The following FMNL2 variants were observed in gnomAD, a reference collection of about 807,000 sequenced individuals.
FMNL2 encodes the protein formin like 2.
A neutral mutation model predicts 130.2 loss-of-function variants in FMNL2; 51 were observed. The ratio of observed to expected loss-of-function variants is 0.39; its 90% confidence interval spans 0.31 to 0.49. FMNL2 has a LOEUF of 0.49. FMNL2 is among the 20% of genes least tolerant of loss of function. The pLI is 0.85. For synonymous variants in FMNL2, 465 were observed against 467.1 expected (o/e 1.00, Z 0.06); for missense variants, 977 against 1,316.2 (o/e 0.74, Z 3.99).
chr2:152,557,087 C>G (rs1695256618), intron 4 of FMNL2, among the ~76,000 whole-genome samples: 1 of 152,132 alleles, frequency 6.6e-6, no homozygotes, highest in South Asian at 2.1e-4. Flanking sequence ...AGAAAAAATT[C>G]TTTTTACTAT....
chr2:152,478,913 CTTGA>C lies in FMNL2; in HGVS notation c.118-43027_118-43024del, dbSNP rs540781914. Among the ~76,000 whole-genome samples the C allele has an allele frequency of 2.5e-3, 374 of 152,222 alleles. 5 individuals are homozygous for C. The highest frequency in any genetic ancestry group is 1.1e-3 in the Non-Finnish European group (75 of 68,022). On this transcript the variant is annotated intron_variant, in intron 1 of 25. Transcript: ENST00000288670. ...AAGTATATTAAAACTACAGTATATG[CTTGA>C]TTATAAGGCAACTCTCAAATGAGGT...
chr2:152,548,935 C>A, intron 3 of FMNL2, 86 bp from the exon 4 acceptor site: 1 of 1,020,268 alleles, frequency 9.8e-7, no homozygotes, highest in Non-Finnish European at 1.4e-6. Flanking sequence ...AGATATTTTT[C>A]ATATTGTGTT....
chr2:152,392,995 G>A (rs1282302532), intron 1 of FMNL2, among the ~76,000 whole-genome samples: 2 of 151,914 alleles, frequency 1.3e-5, no homozygotes, highest in Non-Finnish European at 2.9e-5. Flanking sequence ...TGCCTGGTGG[G>A]TCCTCTTTCA....
chr2:152,464,177 C>T (rs971862713), intron 1 of FMNL2, among the ~76,000 whole-genome samples: 1 of 152,170 alleles, frequency 6.6e-6, no homozygotes, highest in Admixed American at 6.5e-5. Context: ...CTCCTGACCT[C>T]AGGTGATCCG....
At chr2:152,641,040 C>T in intron 25 of FMNL2, 126 bp downstream of exon 25, 1 of 1,244,972 alleles carries the variant, frequency 8.0e-7, no homozygotes. Flanking sequence ...TTTATTCACA[C>T]CCAGAGTGAT....
chr2:152,406,016 C>T (rs956319740), intron 1 of FMNL2, among the ~76,000 whole-genome samples: 53 of 152,126 alleles, frequency 3.5e-4, no homozygotes, highest in African/African-American at 1.2e-3. Context: ...ATAATTTAGC[C>T]TTAAGACAGA....
chr2:152,551,844 T>C (rs1694954097), intron 4 of FMNL2, among the ~76,000 whole-genome samples: 1 of 152,140 alleles, frequency 6.6e-6, no homozygotes, highest in Admixed American at 6.6e-5. Context: ...AGTGAGACCT[T>C]GTGTCTACAA....
At chr2:152,439,079 T>TTGTGTGTGTGTGTGTGTGTG (rs10539703) in intron 1 of FMNL2, among the ~76,000 whole-genome samples, 36 of 144,588 alleles carry the variant, frequency 2.5e-4, no homozygotes, top group African/African-American at 7.7e-4. Context: ...TTCAGTTTAA[T>TTGTGTGTGTGTGTGTGTGTG]TGTGTGTGTG....
intron 4 of FMNL2, among the ~76,000 whole-genome samples, chr2:152,555,840 T>C (rs1558960411): frequency 6.6e-6 from 1 of 152,358 alleles, no homozygotes; most frequent in East Asian, 1.9e-4. Flanking sequence ...ATTGGCAACA[T>C]ATTAAAAAGT....
At chr2:152,459,776 G>T (rs1689145165) in intron 1 of FMNL2, among the ~76,000 whole-genome samples, 1 of 152,042 alleles carries the variant, frequency 6.6e-6, no homozygotes. Flanking sequence ...ACTTTAAATG[G>T]GTGCTTTGTA....
intron 1 of FMNL2, 110 bp downstream of exon 1, chr2:152,335,830 C>A: frequency 1.4e-6 from 1 of 715,056 alleles, no homozygotes; most frequent in South Asian, 2.3e-5. Flanking sequence ...CCTCCATTCC[C>A]GAGGGGGAGG....
At position 152,607,397 on chromosome 2, in the gene FMNL2, A is replaced by G. The variant is rs763832068; in HGVS notation, c.935A>G (p.Asn312Ser). 1 of 1,613,234 alleles carries G rather than the reference A, an allele frequency of 6.2e-7. No individual in the cohort carries two copies. Among genetic ancestry groups the G allele is most frequent in the Admixed American group, 1.7e-5 (1 of 59,962 alleles). ...ATGGAACATTTCAGGAATGAAGACA[A>G]TAACATAGATTTTATGGTGAGTTAT... is the stretch of plus-strand genomic sequence containing the variant. Reference protein sequence around the residue: ...KLMEHFRNEDNNIDFMVASMQ... With the variant: ...KLMEHFRNEDSNIDFMVASMQ... The change falls in exon 10 of 26, where the codon AAT (asparagine) becomes AGT (serine). Residue 312 changes from asparagine to serine, a missense_variant. Around this residue, in one of 4 missense-constraint regions of FMNL2, gnomAD observed 689 missense variants for 995.9 expected, o/e 0.69. Transcript: ENST00000288670.
intron 1 of FMNL2, among the ~76,000 whole-genome samples, chr2:152,365,996 T>C (rs1439767003): frequency 1.3e-5 from 2 of 151,850 alleles, no homozygotes; most frequent in Non-Finnish European, 2.9e-5. Flanking sequence ...AAAATTAACA[T>C]GTAGTAGCAG....
At chr2:152,459,254 T>A (rs1252495179) in intron 1 of FMNL2, among the ~76,000 whole-genome samples, 2 of 152,210 alleles carry the variant, frequency 1.3e-5, no homozygotes, top group East Asian at 3.9e-4. Flanking sequence ...TCTTGATGAC[T>A]GGAATGCAAA....
intron 1 of FMNL2, among the ~76,000 whole-genome samples, chr2:152,455,436 G>C (rs1688895586): frequency 1.3e-5 from 2 of 152,298 alleles, no homozygotes; most frequent in South Asian, 2.1e-4. Flanking sequence ...GTTCCAGCCA[G>C]CACACAGGAG....
intron 1 of FMNL2, among the ~76,000 whole-genome samples, chr2:152,511,594 C>G (rs1692498141): frequency 6.6e-6 from 1 of 152,162 alleles, no homozygotes. Context: ...AACTCTTTTC[C>G]TCCTTTGGTG....
chr2:152,366,288 T>C (rs1358266187), intron 1 of FMNL2, among the ~76,000 whole-genome samples: 2 of 53,010 alleles, frequency 3.8e-5, no homozygotes, highest in South Asian at 1.6e-3. Context: ...GGGACTGTTG[T>C]GGGGTGGGGG....
chr2:152,538,284 T>G (rs112995392), intron 2 of FMNL2, among the ~76,000 whole-genome samples: 7,293 of 152,032 alleles, frequency 0.048, 305 homozygotes, highest in East Asian at 0.22. Context: ...GTTTTTTTTT[T>G]TTGTTTGTTT....
chr2:152,521,525 T>A (rs1489264296), intron 1 of FMNL2, among the ~76,000 whole-genome samples: 3 of 152,136 alleles, frequency 2.0e-5, no homozygotes, highest in East Asian at 1.9e-4. Flanking sequence ...TCAAAGTGAG[T>A]ATAATTTGAA....
Sources: gnomAD v4.1 joint callset for allele counts (sites outside exome capture counted in the v4.1 genomes callset) on GRCh38, gnomAD v4.1.1 for gene constraint, gnomAD v4.1.1 regional missense constraint, MANE v1.5 for transcripts, NCBI Gene and HGNC (gene_info 2026-07-23, HGNC 2026-07-21) for gene names.